Variants in CLDN18 observed in about 807,000 individuals in gnomAD.
CLDN18 encodes the protein claudin-18.
A neutral mutation model predicts 25.0 loss-of-function variants in CLDN18; 20 were observed. The observed-to-expected ratio is 0.80, with a 90% CI of 0.56 to 1.16. The LOEUF is 1.16. Among genes scored for constraint, CLDN18 ranks in the 50% most tolerant of loss-of-function variants. The pLI is 0.00. For missense variants in CLDN18, 297 were observed against 345.4 expected (o/e 0.86, Z 1.11); for synonymous variants, 125 against 135.6 (o/e 0.92, Z 0.54).
At chr3:138,012,313 G>A (rs1942144066) in intron 1 of CLDN18, among the ~76,000 whole-genome samples, 1 of 152,096 alleles carries the variant, frequency 6.6e-6, no homozygotes, top group African/African-American at 2.4e-5. Context: ...GAGTATTTCA[G>A]TCACCAACTC....
intron 1 of CLDN18, among the ~76,000 whole-genome samples, chr3:138,015,706 G>A (rs1942194657): frequency 6.6e-6 from 1 of 152,140 alleles, no homozygotes; most frequent in African/African-American, 2.4e-5. Flanking sequence ...TCCAGCGTGG[G>A]CAACAGAGCA....
chr3:138,018,359 C>T (rs1197570081), intron 1 of CLDN18, among the ~76,000 whole-genome samples: 2 of 131,570 alleles, frequency 1.5e-5, no homozygotes, highest in African/African-American at 3.0e-5. Context: ...TTTTTTGAGA[C>T]GGAGTCTCGC....
rs560409205 is a variant in CLDN18, at chr3:138,004,188, T to C, written c.220+5100T>C. ...AAAAAAATTTTAGATAAATTACCTA[T>C]ACATATTTTAATCTTTGCAACTACC... On this transcript the variant is annotated intron_variant, in intron 1 of 4. Coordinates refer to the CLDN18 transcript ENST00000343735. 2.6e-5 allele frequency among the ~76,000 whole-genome samples: 4 copies of C among 152,308 alleles called. No individual in the cohort carries two copies. The South Asian group carries it at 8.3e-4, about 32-fold the overall frequency.
Position 138,031,066 on chromosome 3 carries a change from C to A in CLDN18, c.711C>A (p.Asn237Lys), listed in dbSNP as rs949540806. ...ASTGFGSNTKNKKIYDGGART... is the reference protein window; with the variant it reads ...ASTGFGSNTKKKKIYDGGART... ...CTGGCTTTGGGTCCAACACCAAAAA[C>A]AAGAAGATATACGATGGAGGTGCCC... Residue 237 changes from asparagine to lysine, a missense_variant, in exon 5 of 5, where the codon AAC becomes AAA. Physicochemically the swap from Asn to Lys is moderately conservative, Grantham distance 94. Transcript: ENST00000183605. The A allele has an allele frequency of 6.2e-7, 1 of 1,614,144 alleles. No individual in the cohort carries two copies. Among genetic ancestry groups the A allele is most frequent in the African/African-American group, 1.3e-5 (1 of 75,060 alleles).
chr3:138,024,138 C>T (rs1942298651), intron 2 of CLDN18, among the ~76,000 whole-genome samples: 1 of 151,388 alleles, frequency 6.6e-6, no homozygotes, highest in South Asian at 2.1e-4. Context: ...TTGTGACACC[C>T]TATGTCGATT....
At chr3:138,006,784 A>G (rs1344635131), upstream of CLDN18, among the ~76,000 whole-genome samples, 3 of 151,274 alleles carry the variant, frequency 2.0e-5, no homozygotes, top group Non-Finnish European at 4.4e-5. Flanking sequence ...TAGATTTACA[A>G]TTTCACTCCT....
chr3:138,004,398 G>A (rs1190710164), intron 1 of CLDN18, among the ~76,000 whole-genome samples: 1 of 152,066 alleles, frequency 6.6e-6, no homozygotes, highest in East Asian at 1.9e-4. Flanking sequence ...ACCGGCAAGA[G>A]TTTCCCCATG....
intron 4 of CLDN18, among the ~76,000 whole-genome samples, chr3:138,030,415 G>C (rs571626860): frequency 6.6e-6 from 1 of 152,346 alleles, no homozygotes; most frequent in African/African-American, 2.4e-5. Context: ...AACTGGTGTG[G>C]GGACAGCTGG....
At chr3:138,012,820 C>T (rs1301428244) in intron 1 of CLDN18, among the ~76,000 whole-genome samples, 1 of 152,186 alleles carries the variant, frequency 6.6e-6, no homozygotes, top group Non-Finnish European at 1.5e-5. Context: ...GCAAAGGCAA[C>T]ACATGTCATG....
At chr3:138,000,300 C>T (rs1326194357) in intron 1 of CLDN18, among the ~76,000 whole-genome samples, 1 of 152,096 alleles carries the variant, frequency 6.6e-6, no homozygotes, top group East Asian at 1.9e-4. Context: ...AAGACTCCAT[C>T]AAGGTAGAAA....
At chr3:138,024,747 G>A (rs762922017) in intron 3 of CLDN18, 23 bp downstream of exon 3, 32 of 1,268,342 alleles carry the variant, frequency 2.5e-5, no homozygotes, top group East Asian at 1.9e-4. Context: ...TCTAGGTCTC[G>A]GCATTCACCA....
In CLDN18 at chr3:138,031,055, A is replaced by G. The variant is rs758762263; in HGVS notation, c.700A>G (p.Asn234Asp). Residue 234 changes from asparagine (N) to aspartate (D), a missense_variant, in exon 5 of 5, where the codon AAC (asparagine) becomes GAC (aspartate). By Grantham distance (23) the Asn-to-Asp change is conservative (BLOSUM62 1). Transcript: ENST00000183605. ...GFKASTGFGSNTKNKKIYDGG... is the reference protein window; with the variant it reads ...GFKASTGFGSDTKNKKIYDGG... ...CAAGGCCAGCACTGGCTTTGGGTCC[A>G]ACACCAAAAACAAGAAGATATACGA... 13 of 1,614,196 alleles carry G rather than the reference A, an allele frequency of 8.1e-6. No homozygotes were observed. The highest frequency in any genetic ancestry group is 7.6e-6 in the Non-Finnish European group (9 of 1,180,028).
intron 4 of CLDN18, 81 bp from the exon 5 acceptor site, chr3:138,030,889 C>A: frequency 7.6e-7 from 1 of 1,317,934 alleles, no homozygotes; most frequent in Non-Finnish European, 1.1e-6. Context: ...AGTGCCAAGA[C>A]TGAGACAGTT....
At chr3:138,016,725 C>A (rs1000105637) in intron 1 of CLDN18, among the ~76,000 whole-genome samples, 2 of 152,048 alleles carry the variant, frequency 1.3e-5, no homozygotes, top group African/African-American at 2.4e-5. Flanking sequence ...CCTCACTTTC[C>A]CCATTTGTGA....
intron 1 of CLDN18, among the ~76,000 whole-genome samples, chr3:138,014,577 G>T (rs3773772): frequency 0.35 from 52,849 of 151,654 alleles, 11,071 homozygotes; most frequent in Middle Eastern, 0.57. Context: ...GGAACTGGGG[G>T]ATAGTTCCCA....
rs557252302 is a variant in CLDN18 at position 138,032,686 on chromosome 3, C to T, written c.*1545C>T. The T allele has an allele frequency of 1.3e-5, 2 of 152,288 alleles. No individual in the cohort carries two copies. The highest frequency in any genetic ancestry group is 4.8e-5 in the African/African-American group (2 of 41,554). The allele number at this position is 152,288 out of a possible 1,614,324, so 9.4% of individuals were successfully genotyped here. ...CTCAAACTCCTGCACTCAAGCAATTCTTCTACCCTGGCCTCCCAAGTAGCT... is the reference window on the plus strand; with the variant it reads ...CTCAAACTCCTGCACTCAAGCAATTTTTCTACCCTGGCCTCCCAAGTAGCT... On this transcript the variant is annotated 3_prime_UTR_variant, in exon 5 of 5. Coordinates refer to ENST00000183605, the MANE Select transcript of CLDN18 (RefSeq NM_016369.4).
At chr3:138,009,324 CCT>C (rs1942103120), upstream of CLDN18, among the ~76,000 whole-genome samples, 1 of 152,184 alleles carries the variant, frequency 6.6e-6, no homozygotes, top group Non-Finnish European at 1.5e-5. Context: ...AACCCTGGTC[CCT>C]CCTCTGGCCT....
upstream of CLDN18, chr3:138,005,170 A>G (rs921042187): frequency 3.3e-5 from 5 of 152,218 alleles, no homozygotes; most frequent in African/African-American, 1.2e-4. Flanking sequence ...CAAGAAAAGA[A>G]CAAAAATCAA....
intron 1 of CLDN18, among the ~76,000 whole-genome samples, chr3:138,018,808 C>T: frequency 6.6e-6 from 1 of 152,194 alleles, no homozygotes; most frequent in South Asian, 2.1e-4. Context: ...AGAAACCCAC[C>T]TATGCTGCCT....
Sources: gnomAD v4.1 joint callset for allele counts (sites outside exome capture counted in the v4.1 genomes callset) on GRCh38, gnomAD v4.1.1 for gene constraint, MANE v1.5 for transcripts, NCBI Gene and HGNC (gene_info 2026-07-23, HGNC 2026-07-21) for gene names.